Variants in GPSM1 observed in about 807,000 individuals in gnomAD.
The protein encoded by GPSM1 is G protein signaling modulator 1.
In GPSM1, 48 loss-of-function variants were observed where a neutral mutation model predicts 70.5. That is an observed-to-expected ratio of 0.68 (90% CI 0.54 to 0.87). The LOEUF (loss-of-function observed/expected upper bound fraction) is 0.87, where lower values mean the gene tolerates loss of function less well. Among genes scored for constraint, GPSM1 ranks in the 40% least tolerant of loss-of-function variants. GPSM1 has a pLI of 0.00. For synonymous variants in GPSM1, 416 were observed against 430.1 expected (o/e 0.97, Z 0.41); for missense variants, 981 against 972.6 (o/e 1.01, Z -0.11).
rs782215976 is a variant in GPSM1, at chr9:136,356,602, T to A, written c.1821+52T>A. ...GCTCGCGGCCCCTTTGCCATCCACG[T>A]GTGTGGAGGCAACTTGTGTCCTGAG... On this transcript the variant is annotated intron_variant, in intron 13 of 13. Transcript: ENST00000440944. The A allele has an allele frequency of 4.0e-5, 55 of 1,371,292 alleles. No homozygotes were observed. The South Asian group carries it at 6.5e-4, about 16-fold the overall frequency. The allele number at this position is 1,371,292 out of a possible 1,614,324, so 84.9% of individuals were successfully genotyped here. A position where few individuals can be genotyped will look rare whatever the true frequency, so the allele number is the denominator to read the frequency against.
intron 11 of GPSM1, chr9:136,354,718 C>T: frequency 1.5e-6 from 1 of 685,704 alleles, no homozygotes; most frequent in Non-Finnish European, 1.8e-6. Flanking sequence ...AGACCACGCC[C>T]TCCAGCCTCC....
chr9:136,357,982 G>T (rs782517809), intron 13 of GPSM1, 32 bp from the exon 14 acceptor site: 6 of 1,577,958 alleles, frequency 3.8e-6, no homozygotes, highest in Non-Finnish European at 5.2e-6. Context: ...GGCTGGGGGG[G>T]TGAGGCCGCC....
At chr9:136,336,404 G>A (rs1466395229) in intron 3 of GPSM1, among the ~76,000 whole-genome samples, 4 of 152,214 alleles carry the variant, frequency 2.6e-5, no homozygotes, top group African/African-American at 9.7e-5. Flanking sequence ...GGGGGGCCCA[G>A]CGGGAGGCAG....
chr9:136,348,843 C>G, intron 10 of GPSM1, 76 bp downstream of exon 10: 1 of 1,036,676 alleles, frequency 9.6e-7, no homozygotes, highest in Non-Finnish European at 1.5e-6. Context: ...GAGGCAGAGC[C>G]ACCGCCACCC....
rs375169171 is a variant in GPSM1, at chr9:136,359,438, G to A, written c.*1218G>A. 2 of 152,300 alleles carry A rather than the reference G, an allele frequency of 1.3e-5. No homozygotes were observed. The highest frequency in any genetic ancestry group is 2.4e-5 in the African/African-American group (1 of 41,438). 9.4% of individuals were successfully genotyped at this position (152,300 alleles called of 1,614,324 possible). ...GGGCCGCACCCGAGAGCAGGGACAG[G>A]TGCCCGAACACAGGGTCTCCAGGAC... On this transcript the variant is annotated 3_prime_UTR_variant, in exon 14 of 14. Transcript: ENST00000440944.
rs1465127106 is a variant in GPSM1 at position 136,327,593 on chromosome 9, G to A, written c.-103G>A. 12 of 217,510 alleles carry A rather than the reference G, an allele frequency of 5.5e-5. No individual in the cohort carries two copies. The highest frequency in any genetic ancestry group is 9.8e-5 in the Non-Finnish European group (12 of 122,958). The allele number at this position is 217,510 out of a possible 1,614,324, so 13.5% of individuals were successfully genotyped here. ...GGGCGAACGAGGCGCGGACGGACAGGCGGACAGCAGGGCGGACAGCAGGGA... is the reference window on the plus strand; with the variant it reads ...GGGCGAACGAGGCGCGGACGGACAGACGGACAGCAGGGCGGACAGCAGGGA... On this transcript the variant is annotated 5_prime_UTR_variant, in exon 1 of 14. Coordinates refer to ENST00000440944, the MANE Select transcript of GPSM1 (RefSeq NM_001145638.3).
intron 9 of GPSM1, among the ~76,000 whole-genome samples, chr9:136,348,367 G>A (rs1832574690): frequency 6.6e-6 from 1 of 152,232 alleles, no homozygotes; most frequent in South Asian, 2.1e-4. Flanking sequence ...TCCAGGCAGA[G>A]GGAACAGCAG....
intron 11 of GPSM1, among the ~76,000 whole-genome samples, chr9:136,349,966 G>C (rs1470790565): frequency 5.3e-5 from 8 of 152,184 alleles, no homozygotes; most frequent in Admixed American, 3.9e-4. Context: ...CATTGTGGTC[G>C]CACCTGGCCT....
rs1554770315 is a variant in GPSM1 at position 136,341,547 on chromosome 9, G to A, written c.1207+554G>A. The A allele has an allele frequency of 2.8e-6, 3 of 1,071,582 alleles. No homozygotes were observed. The Admixed American group carries it at 1.4e-4, about 51-fold the overall frequency. The allele number at this position is 1,071,582 out of a possible 1,614,324, so 66.4% of individuals were successfully genotyped here. A position where few individuals can be genotyped will look rare whatever the true frequency, so the allele number is the denominator to read the frequency against. On this transcript the variant is annotated intron_variant, in intron 9 of 13. Coordinates refer to ENST00000440944, the MANE Select transcript of GPSM1 (RefSeq NM_001145638.3). This position sits in a 1 kb window ranked among gnomAD's most constrained non-coding sequence, Gnocchi z 6.7. ...CAGAACGTCCCCTGCAAAGCGAAAA[G>A]ACTAATAGGTGCCAGGGGGGTGGTG...
chr9:136,329,994 T>C (rs1554768314), intron 1 of GPSM1, among the ~76,000 whole-genome samples: 1 of 151,282 alleles, frequency 6.6e-6, no homozygotes, highest in Non-Finnish European at 1.5e-5. Context: ...CCCTGGGTGC[T>C]GGGTCGGTGG....
At chr9:136,353,204 C>A in intron 11 of GPSM1, 1 of 685,216 alleles carries the variant, frequency 1.5e-6, no homozygotes, top group South Asian at 6.5e-5. Flanking sequence ...TGAGGGAGCA[C>A]ACGGGCCTCT....
intron 2 of GPSM1, 114 bp downstream of exon 2, chr9:136,334,782 G>T: frequency 1.2e-6 from 1 of 839,012 alleles, no homozygotes; most frequent in South Asian, 1.6e-5. Flanking sequence ...GGTGAGTGGG[G>T]ACAGCCCTGC....
intron 1 of GPSM1, among the ~76,000 whole-genome samples, chr9:136,331,332 C>G (rs992787812): frequency 6.7e-6 from 1 of 149,694 alleles, no homozygotes; most frequent in Non-Finnish European, 1.5e-5. Context: ...GAGGGCCCGG[C>G]AGACGTGGGG....
intron 8 of GPSM1, 117 bp downstream of exon 8, chr9:136,339,932 G>A: frequency 1.5e-6 from 1 of 677,974 alleles, no homozygotes; most frequent in South Asian, 1.6e-5. Context: ...TCCTTTCAGG[G>A]CCATTGCAGC....
Position 136,336,054 on chromosome 9 carries a change from G to C in GPSM1, c.379G>C (p.Val127Leu). The C allele has an allele frequency of 1.2e-6, 2 of 1,612,280 alleles. No homozygotes were observed. The highest frequency in any genetic ancestry group is 8.5e-7 in the Non-Finnish European group (1 of 1,179,890). Reference protein sequence around the residue: ...KVLGRFDEAAVCCQRHLSIAQ... With the variant: ...KVLGRFDEAALCCQRHLSIAQ... ...CCTGGGGCGCTTCGACGAGGCTGCC[G>C]TCTGCTGCCAGCGGCATCTGAGCAT... Residue 127 changes from valine (V) to leucine (L), a missense_variant, in exon 3 of 14, where the codon GTC becomes CTC. Coordinates refer to ENST00000440944, the MANE Select transcript of GPSM1 (RefSeq NM_001145638.3).
rs1433722137 is a variant in GPSM1, at chr9:136,339,847, C to T, written c.1083+32C>T. On this transcript the variant is annotated intron_variant, in intron 8 of 13. Transcript: ENST00000440944. ...CAGGCCTGCCCCCAGAAGTCCCGGG[C>T]ACTGCCCAGCCCACTCCAGACGGGC... 3.0e-6 allele frequency: 4 copies of T among 1,337,956 alleles called. No individual in the cohort carries two copies. In the African/African-American group the frequency reaches 5.1e-5, roughly 17 times the overall value. 82.9% of individuals were successfully genotyped at this position (1,337,956 alleles called of 1,614,324 possible).
At chr9:136,346,620 A>G (rs1554771299) in intron 9 of GPSM1, among the ~76,000 whole-genome samples, 1 of 152,186 alleles carries the variant, frequency 6.6e-6, no homozygotes, top group African/African-American at 2.4e-5. Flanking sequence ...CACAATGCTC[A>G]GACAGCAGCC....
At position 136,348,785 on chromosome 9, in the gene GPSM1, G is replaced by A. The variant is rs1832587283; in HGVS notation, c.1278+18G>A. 1 of 1,594,514 alleles carries A rather than the reference G, an allele frequency of 6.3e-7. No homozygotes were observed. Among genetic ancestry groups the A allele is most frequent in the Non-Finnish European group, 8.6e-7 (1 of 1,164,570 alleles). On this transcript the variant is annotated intron_variant, in intron 10 of 13. Transcript: ENST00000440944. The stretch of plus-strand genomic sequence containing the variant: ...TGGAGCGGGTGAGCCAGGGACACGG[G>A]ACCGATGTCAGCACAGCCGCTGCCA...
In GPSM1 at chr9:136,348,721, G is replaced by C. The variant is rs782415272; in HGVS notation, c.1232G>C (p.Arg411Thr). The change falls in exon 10 of 14, where the codon AGG (arginine) becomes ACG (threonine). Residue 411 changes from arginine to threonine, a missense_variant. Transcript: ENST00000440944. The stretch of plus-strand genomic sequence containing the variant: ...GGGGCCAGACCCAAGAGGACGCAGA[G>C]GCTGAGCGCGGAGACCTGGGACCTG... ...AQGARPKRTQ[R>T]LSAETWDLLR... 8.7e-6 allele frequency: 14 copies of C among 1,612,360 alleles called. No individual in the cohort carries two copies. The highest frequency in any genetic ancestry group is 1.2e-5 in the Non-Finnish European group (14 of 1,179,632).
Sources: allele counts gnomAD v4.1 joint callset (sites outside exome capture counted in the v4.1 genomes callset), GRCh38; gene constraint gnomAD v4.1.1; non-coding constraint Gnocchi (gnomAD v3.1); transcripts MANE v1.5; gene names NCBI Gene and HGNC (gene_info 2026-07-23, HGNC 2026-07-21).